The following CDH13 variants were observed in gnomAD, a reference collection of about 807,000 sequenced individuals.
The protein encoded by CDH13 is cadherin-13.
In CDH13, 24 loss-of-function variants were observed where a neutral mutation model predicts 63.8. The observed-to-expected ratio is 0.38, with a 90% CI of 0.27 to 0.53. The LOEUF is 0.53. Ranked by LOEUF, CDH13 falls within the 20% of genes least tolerant of loss-of-function variation. CDH13 has a pLI of 0.85. For missense variants in CDH13, 1,049 were observed against 903.1 expected, an observed-to-expected ratio of 1.16 and a Z score of -2.07; for synonymous variants, 503 against 355.3, an observed-to-expected ratio of 1.42 and a Z score of -4.67.
chr16:82,928,379 G>C (rs1330873081), intron 2 of CDH13, among the ~76,000 whole-genome samples: 1 of 152,164 alleles, frequency 6.6e-6, no homozygotes, highest in Non-Finnish European at 1.5e-5. Context: ...TTGAATTATA[G>C]AAATGATACT....
At chr16:82,954,717 A>G (rs1905801281) in intron 2 of CDH13, 1 of 151,450 alleles carries the variant, frequency 6.6e-6, no homozygotes, top group Middle Eastern at 3.4e-3. Flanking sequence ...AACCGTCGCC[A>G]CAATGAACTT....
At chr16:82,918,927 C>G (rs1429117094) in intron 2 of CDH13, among the ~76,000 whole-genome samples, 1 of 152,136 alleles carries the variant, frequency 6.6e-6, no homozygotes, top group Non-Finnish European at 1.5e-5. Context: ...TTTGATAAAA[C>G]TATGCATTTT....
intron 2 of CDH13, among the ~76,000 whole-genome samples, chr16:83,005,362 T>C (rs565628884): frequency 1.3e-5 from 2 of 152,268 alleles, no homozygotes; most frequent in South Asian, 2.1e-4. Flanking sequence ...TTCATTCTCA[T>C]CTCTTTCCAG....
rs911834273 is a variant in CDH13, at chr16:83,263,568, TA to T, written c.636+46079del. 5.9e-5 allele frequency among the ~76,000 whole-genome samples: 9 copies of T among 151,912 alleles called. No individual in the cohort carries two copies. The East Asian group carries it at 7.7e-4, about 13-fold the overall frequency. ...CCACCGCCCACTGAATGGTTTGATATAAAAAAAACAAAACAAAACAAAACTT... is the reference window on the plus strand; with the variant it reads ...CCACCGCCCACTGAATGGTTTGATATAAAAAAACAAAACAAAACAAAACTT... On this transcript the variant is annotated intron_variant, in intron 5 of 13. Coordinates refer to ENST00000567109, the MANE Select transcript of CDH13 (RefSeq NM_001257.5).
intron 3 of CDH13, among the ~76,000 whole-genome samples, chr16:83,107,016 C>G (rs1308143718): frequency 6.6e-6 from 1 of 152,076 alleles, no homozygotes; most frequent in African/African-American, 2.4e-5. Flanking sequence ...CATGCACACC[C>G]CACACACAGA....
chr16:83,235,357 A>G (rs796262998), intron 5 of CDH13, among the ~76,000 whole-genome samples: 16 of 152,306 alleles, frequency 1.1e-4, no homozygotes, highest in African/African-American at 3.4e-4. Context: ...TGAAAATAAT[A>G]AAATCCACCA....
rs999507544 is a variant in CDH13 at position 82,884,379 on chromosome 16, C to G, written c.157+25906C>G. 25 of 349,844 alleles carry G rather than the reference C, an allele frequency of 7.1e-5. 1 individual carries two copies. Among genetic ancestry groups the G allele is most frequent in the Non-Finnish European group, 1.7e-5 (3 of 178,626 alleles). The allele number at this position is 349,844 out of a possible 1,614,324, so 21.7% of individuals were successfully genotyped here. On this transcript the variant is annotated intron_variant, in intron 2 of 13. Coordinates refer to ENST00000567109, the MANE Select transcript of CDH13 (RefSeq NM_001257.5). ...CAGTTCTTCTAACCAGGAGAGCTGA[C>G]AAGTAACAAAATGAGACTCCTTCTG...
chr16:82,973,989 A>C (rs1909145190), intron 2 of CDH13, among the ~76,000 whole-genome samples: 1 of 152,146 alleles, frequency 6.6e-6, no homozygotes, highest in South Asian at 2.1e-4. Context: ...GTGGTGTGAT[A>C]GCTCACTGCA....
At chr16:82,846,158 A>G (rs1172236088) in intron 1 of CDH13, among the ~76,000 whole-genome samples, 3 of 152,172 alleles carry the variant, frequency 2.0e-5, no homozygotes, top group Admixed American at 6.5e-5. Flanking sequence ...GCATTGACCA[A>G]ACTTCTGCGT....
Position 83,705,350 on chromosome 16 carries a change from C to G in CDH13, c.1538+26889C>G, listed in dbSNP as rs951802438. Among the ~76,000 whole-genome samples, 3 of 152,098 alleles carry G rather than the reference C, an allele frequency of 2.0e-5. No individual in the cohort carries two copies. The East Asian group carries it at 5.8e-4, about 29-fold the overall frequency. The stretch of plus-strand genomic sequence containing the variant: ...AAAAAAAGAAAAAGAAGCCCGGGCC[C>G]GGTGGCTCACGCCTGTAATCCTAGC... On this transcript the variant is annotated intron_variant, in intron 10 of 13. Transcript: ENST00000567109.
intron 11 of CDH13, among the ~76,000 whole-genome samples, chr16:83,762,373 T>C (rs1914044720): frequency 6.9e-6 from 1 of 145,486 alleles, no homozygotes; most frequent in Non-Finnish European, 1.5e-5. Flanking sequence ...CTGCCCTCTC[T>C]TAAGAAAGGA....
At chr16:83,564,010 C>A (rs578089158) in intron 7 of CDH13, among the ~76,000 whole-genome samples, 1 of 152,310 alleles carries the variant, frequency 6.6e-6, no homozygotes, top group East Asian at 1.9e-4. Flanking sequence ...TTAGTTTCTT[C>A]ATCTGCAAAA....
intron 8 of CDH13, among the ~76,000 whole-genome samples, chr16:83,667,248 AT>A (rs1463391058): frequency 2.0e-5 from 3 of 152,168 alleles, no homozygotes; most frequent in Non-Finnish European, 2.9e-5. Context: ...TTCTACTTGA[AT>A]TCATTTGCCC....
intron 6 of CDH13, among the ~76,000 whole-genome samples, chr16:83,472,422 A>T (rs1532100): frequency 9.2e-5 from 14 of 152,232 alleles, no homozygotes; most frequent in African/African-American, 3.1e-4. Context: ...GGCTGGAGAT[A>T]TGAGACTGGG....
At chr16:83,256,674 C>A (rs1435349800) in intron 5 of CDH13, among the ~76,000 whole-genome samples, 116 of 115,580 alleles carry the variant, frequency 1.0e-3, no homozygotes, top group Non-Finnish European at 1.3e-3. Flanking sequence ...TACTAAAATA[C>A]AAAAAAAAAA....
At chr16:82,875,887 A>G (rs1343718856) in intron 2 of CDH13, among the ~76,000 whole-genome samples, 4 of 152,220 alleles carry the variant, frequency 2.6e-5, no homozygotes, top group Admixed American at 6.5e-5. Flanking sequence ...AGACTGGGCA[A>G]TTTACAAAAG....
In CDH13 at chr16:83,759,865, C is replaced by A. The variant is rs193298280; in HGVS notation, c.1681+11615C>A. ...ATCACTTGAGCCCAGGAGTTCAAGG[C>A]TGCAGTGAGCCATGATCACACCACT... On this transcript the variant is annotated intron_variant, in intron 11 of 13. Transcript: ENST00000567109. 6.6e-5 allele frequency among the ~76,000 whole-genome samples: 10 copies of A among 151,060 alleles called. No individual in the cohort carries two copies. In the East Asian group the frequency reaches 2.0e-3, roughly 29 times the overall value.
At chr16:83,412,404 A>G (rs1012692547) in intron 6 of CDH13, among the ~76,000 whole-genome samples, 1 of 152,148 alleles carries the variant, frequency 6.6e-6, no homozygotes, top group African/African-American at 2.4e-5. Context: ...AGAGGTTGCA[A>G]TGAGCCAAGT....
intron 3 of CDH13, among the ~76,000 whole-genome samples, chr16:83,123,096 A>G (rs944109388): frequency 6.6e-6 from 1 of 152,044 alleles, no homozygotes; most frequent in African/African-American, 2.4e-5. Context: ...TGCAAAAGAC[A>G]TGATTTTATT....
Sources: gnomAD v4.1 joint callset for allele counts (sites outside exome capture counted in the v4.1 genomes callset) on GRCh38, gnomAD v4.1.1 for gene constraint, MANE v1.5 for transcripts, NCBI Gene and HGNC (gene_info 2026-07-23, HGNC 2026-07-21) for gene names.